RNF32: variants seen among roughly 807,000 people sequenced by gnomAD.
The protein encoded by RNF32 is ring finger protein 32.
RNF32 carries 36 observed loss-of-function variants against 41.0 expected under a neutral mutation model. The observed-to-expected ratio is 0.88, with a 90% CI of 0.67 to 1.16. The LOEUF (loss-of-function observed/expected upper bound fraction) is 1.16, where lower values mean the gene tolerates loss of function less well. RNF32 is among the 50% of genes most tolerant of loss of function. The pLI is 0.00. For synonymous variants in RNF32, 154 were observed against 160.9 expected, an observed-to-expected ratio of 0.96 and a Z score of 0.32; for missense variants, 413 against 436.7, an observed-to-expected ratio of 0.95 and a Z score of 0.48.
chr7:156,653,360 C>T (rs1439921245), intron 3 of RNF32, among the ~76,000 whole-genome samples: 2 of 152,188 alleles, frequency 1.3e-5, no homozygotes, highest in African/African-American at 4.8e-5. Context: ...TATACATATG[C>T]TGTGATGTTA....
rs549166979 is a variant in RNF32, at chr7:156,661,921, C to G, written c.684+3351C>G. ...TTTCAAGTGTGGGGGTGGGGAGGAA[C>G]AGATGTATACATATACGCACACACA... On this transcript the variant is annotated intron_variant, in intron 7 of 8. Coordinates refer to ENST00000317955, the MANE Select transcript of RNF32 (RefSeq NM_030936.4). Among the ~76,000 whole-genome samples, 28 of 152,226 alleles carry G rather than the reference C, an allele frequency of 1.8e-4. 1 individual carries two copies. In the South Asian group the frequency reaches 5.8e-3, roughly 32 times the overall value.
rs534408039 is a variant in RNF32, at chr7:156,646,441, C to T, written c.274+1684C>T. 18 of 1,303,794 alleles carry T rather than the reference C, an allele frequency of 1.4e-5. No individual in the cohort carries two copies. The South Asian group carries it at 2.1e-4, about 15-fold the overall frequency. The allele number at this position is 1,303,794 out of a possible 1,614,324, so 80.8% of individuals were successfully genotyped here. ...TAGGTGTGATTGTACTCTCCCTTTC[C>T]TCTTCTTATAAGGATACCATTCATA... is the stretch of plus-strand genomic sequence containing the variant. On this transcript the variant is annotated intron_variant, in intron 3 of 8. Transcript: ENST00000317955.
chr7:156,658,229 G>A lies in RNF32; in HGVS notation c.552G>A (p.Leu184=), dbSNP rs367810675. The A allele has an allele frequency of 1.4e-5, 22 of 1,614,080 alleles. No individual in the cohort carries two copies. Among genetic ancestry groups the A allele is most frequent in the African/African-American group, 2.7e-5 (2 of 74,928 alleles). ...QTRVIHDGAR[L]FRIKCVTRIQ... is the part of the protein sequence containing the mutation. ...GAGTGATACACGATGGGGCCCGCCT[G>A]TTCAGAATCAAGTGTGTGACCAGGT... Residue 184 remains leucine (L), a synonymous_variant, in exon 6 of 9, where the codon CTG becomes CTA. Coordinates refer to ENST00000317955, the MANE Select transcript of RNF32 (RefSeq NM_030936.4).
rs757503238 is a variant in RNF32, at chr7:156,676,316, G to T, written c.853-103G>T. 2.5e-6 allele frequency: 4 copies of T among 1,611,478 alleles called. No homozygotes were observed. In the South Asian group the frequency reaches 4.4e-5, roughly 18 times the overall value. ...ACAGAATGAAACTTCCGCATGTTTC[G>T]AAGACCCATGTCTCGGGGCACATGG... is the stretch of plus-strand genomic sequence containing the variant. On this transcript the variant is annotated intron_variant, in intron 8 of 8. Coordinates refer to ENST00000317955, the MANE Select transcript of RNF32 (RefSeq NM_030936.4).
chr7:156,656,081 C>G (rs1799626964), intron 4 of RNF32, among the ~76,000 whole-genome samples: 1 of 152,160 alleles, frequency 6.6e-6, no homozygotes, highest in Non-Finnish European at 1.5e-5. Flanking sequence ...TAGTTATAAA[C>G]AATAGTTGGC....
Sources: gnomAD v4.1 joint callset for allele counts (sites outside exome capture counted in the v4.1 genomes callset) on GRCh38, gnomAD v4.1.1 for gene constraint, MANE v1.5 for transcripts, NCBI Gene and HGNC (gene_info 2026-07-23, HGNC 2026-07-21) for gene names.